The following DAB2IP variants were observed in gnomAD, a reference collection of about 807,000 sequenced individuals.
DAB2IP encodes DAB2 interacting protein.
DAB2IP carries 28 observed loss-of-function variants against 107.2 expected under a neutral mutation model. That is an observed-to-expected ratio of 0.26 (90% confidence interval 0.19 to 0.36). DAB2IP has a LOEUF of 0.36. Ranked by LOEUF, DAB2IP falls within the 10% of genes least tolerant of loss-of-function variation. DAB2IP has a pLI of 1.00. For missense variants in DAB2IP, 1,400 were observed against 1,644.7 expected (o/e 0.85, Z 2.57); for synonymous variants, 755 against 706.4 (o/e 1.07, Z -1.09).
intron 1 of DAB2IP, among the ~76,000 whole-genome samples, chr9:121,674,895 G>GGT (rs908993449): frequency 2.0e-4 from 30 of 150,860 alleles, no homozygotes; most frequent in African/African-American, 5.6e-4. Flanking sequence ...GTGTGTGTGT[G>GGT]GTGTGTGTGT....
chr9:121,682,940 T>C (rs978279677), intron 2 of DAB2IP, among the ~76,000 whole-genome samples: 1 of 152,004 alleles, frequency 6.6e-6, no homozygotes, highest in African/African-American at 2.4e-5. Context: ...CTGCAAGTTA[T>C]AGGGGGCCCT....
chr9:121,768,440 G>A (rs1834458784), exon 10 of DAB2IP: 1 of 1,614,188 alleles, frequency 6.2e-7, no homozygotes, highest in Non-Finnish European at 8.5e-7. Context: ...AGATTTGGCA[G>A]CAAGGAGGAA....
At chr9:121,763,945 C>T (rs1009358761) in intron 8 of DAB2IP, 66 bp downstream of exon 8, 14 of 1,585,492 alleles carry the variant, frequency 8.8e-6, no homozygotes, top group Non-Finnish European at 1.2e-5. Context: ...GTGTCTGGCA[C>T]CCGCAGTGTG....
rs539898901 is a variant in DAB2IP at position 121,764,833 on chromosome 9, A to C, written c.1460+954A>C. Among the ~76,000 whole-genome samples, 3 of 152,174 alleles carry C rather than the reference A, an allele frequency of 2.0e-5. No homozygotes were observed. In the East Asian group the frequency reaches 5.8e-4, roughly 30 times the overall value. On this transcript the variant is annotated intron_variant, in intron 8 of 15. Coordinates refer to ENST00000408936, the Ensembl canonical transcript of DAB2IP. ...TTCCTGCTCCGAGGCCACACCTGGT[A>C]CCCTCTGTCGCAGCCCTGATCCCAT...
At chr9:121,649,880 G>A (rs1341604682), upstream of DAB2IP, among the ~76,000 whole-genome samples, 1 of 152,210 alleles carries the variant, frequency 6.6e-6, no homozygotes, top group African/African-American at 2.4e-5. Flanking sequence ...AAGGAGATAG[G>A]GCAATGCCTC....
At chr9:121,580,612 T>G (rs186531787) in intron 1 of DAB2IP, among the ~76,000 whole-genome samples, 1 of 150,656 alleles carries the variant, frequency 6.6e-6, no homozygotes, top group Admixed American at 6.6e-5. Context: ...AACTACAGAG[T>G]AGCCCATCTA....
At chr9:121,587,288 G>A (rs1357164663) in intron 1 of DAB2IP, among the ~76,000 whole-genome samples, 1 of 152,122 alleles carries the variant, frequency 6.6e-6, no homozygotes, top group African/African-American at 2.4e-5. Context: ...AAACCCGGAG[G>A]CAGGGGATTA....
At chr9:121,748,832 C>T (rs79874348) in intron 3 of DAB2IP, among the ~76,000 whole-genome samples, 6,350 of 152,300 alleles carry the variant, frequency 0.042, 174 homozygotes, top group Non-Finnish European at 0.061. Flanking sequence ...TCTGCCAGCT[C>T]AGCCCTGTGA....
intron 14 of DAB2IP, among the ~76,000 whole-genome samples, chr9:121,779,591 C>T (rs763353952): frequency 1.3e-5 from 2 of 152,228 alleles, no homozygotes; most frequent in African/African-American, 4.8e-5. Context: ...CTGCGTCCTG[C>T]AGAGCCTTTA....
chr9:121,661,682 C>T (rs59862191), intron 1 of DAB2IP, among the ~76,000 whole-genome samples: 6,632 of 152,134 alleles, frequency 0.044, 308 homozygotes, highest in East Asian at 0.15. Flanking sequence ...ACAACAACAA[C>T]AACAATAATA....
chr9:121,679,331 T>C (rs1828449533), intron 2 of DAB2IP, among the ~76,000 whole-genome samples: 1 of 151,646 alleles, frequency 6.6e-6, no homozygotes, highest in Non-Finnish European at 1.5e-5. Flanking sequence ...TTTTAAAAAT[T>C]ACAAACCTAA....
intron 1 of DAB2IP, among the ~76,000 whole-genome samples, chr9:121,627,753 G>A (rs1831715881): frequency 6.6e-6 from 1 of 152,216 alleles, no homozygotes; most frequent in Non-Finnish European, 1.5e-5. Flanking sequence ...TCATGCACAT[G>A]TATATATCCA....
chr9:121,655,488 C>T (rs1470183296), intron 1 of DAB2IP, among the ~76,000 whole-genome samples: 1 of 152,212 alleles, frequency 6.6e-6, no homozygotes, highest in Non-Finnish European at 1.5e-5. Flanking sequence ...AGATGAATCA[C>T]ATGTGCTCCC....
chr9:121,776,432 A>G lies in DAB2IP; in HGVS notation c.3314+41A>G. 2 of 1,471,756 alleles carry G rather than the reference A, an allele frequency of 1.4e-6. No individual in the cohort carries two copies. The highest frequency in any genetic ancestry group is 1.8e-6 in the Non-Finnish European group (2 of 1,112,230). 91.2% of individuals were successfully genotyped at this position (1,471,756 alleles called of 1,614,324 possible). A position where few individuals can be genotyped will look rare whatever the true frequency, so the allele number is the denominator to read the frequency against. On this transcript the variant is annotated intron_variant, in intron 14 of 15. Coordinates refer to ENST00000408936, the Ensembl canonical transcript of DAB2IP. The surrounding 1 kb of genome is among the most constrained non-coding windows in gnomAD (Gnocchi z 5.4). Reference sequence around the variant, plus strand: ...GCCTGGCCTGGCCACAGGCACAGGCAGGGCAGCCATCGCTGCCTTCGAGGA... The same window carrying G: ...GCCTGGCCTGGCCACAGGCACAGGCGGGGCAGCCATCGCTGCCTTCGAGGA...
intron 2 of DAB2IP, among the ~76,000 whole-genome samples, chr9:121,685,178 C>T (rs1217223268): frequency 1.3e-5 from 2 of 152,190 alleles, no homozygotes; most frequent in Admixed American, 6.5e-5. Flanking sequence ...CTGCCCTTCA[C>T]GGAGGCTGAT....
intron 1 of DAB2IP, among the ~76,000 whole-genome samples, chr9:121,638,806 G>T (rs1205194337): frequency 6.6e-6 from 1 of 152,220 alleles, no homozygotes; most frequent in Admixed American, 6.5e-5. Context: ...GTCAATGAAG[G>T]TGATGAGGTG....
At chr9:121,655,056 C>T (rs901366206) in intron 1 of DAB2IP, among the ~76,000 whole-genome samples, 1 of 152,112 alleles carries the variant, frequency 6.6e-6, no homozygotes, top group East Asian at 1.9e-4. Flanking sequence ...TAGGTTCTTC[C>T]CTTTTCTGGG....
intron 1 of DAB2IP, among the ~76,000 whole-genome samples, chr9:121,675,617 G>T (rs1833871573): frequency 6.6e-6 from 1 of 152,206 alleles, no homozygotes; most frequent in African/African-American, 2.4e-5. Context: ...GGGACCCATG[G>T]GACTTAAGGC....
chr9:121,655,997 C>T (rs961741873), intron 1 of DAB2IP, among the ~76,000 whole-genome samples: 2 of 151,434 alleles, frequency 1.3e-5, no homozygotes, highest in Non-Finnish European at 2.9e-5. Context: ...TGGGTAACTT[C>T]TCAGGGGACC....
Sources: gnomAD v4.1 joint callset for allele counts (sites outside exome capture counted in the v4.1 genomes callset) on GRCh38, gnomAD v4.1.1 for gene constraint, Gnocchi (gnomAD v3.1) non-coding constraint, MANE v1.5 for transcripts, NCBI Gene and HGNC (gene_info 2026-07-23, HGNC 2026-07-21) for gene names.